The following HPCAL1 variants were observed in gnomAD, a reference collection of about 807,000 sequenced individuals.
HPCAL1 encodes hippocalcin-like protein 1.
Under a neutral mutation model 17.1 loss-of-function variants are expected in HPCAL1, and 8 were observed. The ratio of observed to expected loss-of-function variants is 0.47; its 90% CI spans 0.27 to 0.84. The LOEUF (loss-of-function observed/expected upper bound fraction) is 0.84. Ranked by LOEUF, HPCAL1 falls within the 40% of genes least tolerant of loss-of-function variation. The pLI, the probability that HPCAL1 is intolerant of heterozygous loss-of-function variation, is 0.13. For synonymous variants in HPCAL1, 112 were observed against 111.4 expected, an observed-to-expected ratio of 1.01 and a Z score of -0.03; for missense variants, 165 against 271.1, an observed-to-expected ratio of 0.61 and a Z score of 2.75.
chr2:10,306,331 G>A (rs553909258), intron 1 of HPCAL1, among the ~76,000 whole-genome samples: 3 of 152,238 alleles, frequency 2.0e-5, no homozygotes, highest in East Asian at 3.9e-4. Flanking sequence ...ATGTCACTGT[G>A]CTGGGGGGTG....
At chr2:10,387,117 T>C (rs1242493132) in intron 1 of HPCAL1, among the ~76,000 whole-genome samples, 3 of 152,184 alleles carry the variant, frequency 2.0e-5, no homozygotes, top group Non-Finnish European at 2.9e-5. Context: ...CCAGCACCCA[T>C]GAGGAGCAGG....
intron 1 of HPCAL1, among the ~76,000 whole-genome samples, chr2:10,311,699 G>A (rs754147695): frequency 3.9e-5 from 6 of 152,066 alleles, no homozygotes; most frequent in Non-Finnish European, 8.8e-5. Context: ...GCTCACTGTG[G>A]CCTGTAGCTC....
At chr2:10,369,952 C>T (rs1667106807) in intron 1 of HPCAL1, among the ~76,000 whole-genome samples, 1 of 152,186 alleles carries the variant, frequency 6.6e-6, no homozygotes, top group South Asian at 2.1e-4. Flanking sequence ...CAACTTTCTC[C>T]TTCTATACTT....
intron 1 of HPCAL1, among the ~76,000 whole-genome samples, chr2:10,312,207 CA>C (rs1334996796): frequency 1.6e-4 from 4 of 25,590 alleles, no homozygotes; most frequent in African/African-American, 4.4e-4. Context: ...TCACTGTCAT[CA>C]TCAACATCCA....
chr2:10,349,520 G>A (rs945164193), intron 1 of HPCAL1, among the ~76,000 whole-genome samples: 3 of 151,250 alleles, frequency 2.0e-5, no homozygotes, highest in Non-Finnish European at 4.4e-5. Flanking sequence ...TGGCTAACAC[G>A]GTGAAACCCT....
At chr2:10,321,702 A>C (rs75016093) in intron 1 of HPCAL1, among the ~76,000 whole-genome samples, 11,221 of 152,256 alleles carry the variant, frequency 0.074, 490 homozygotes, top group Middle Eastern at 0.092. Flanking sequence ...GACATTTTAT[A>C]TCAAGGAAAT....
chr2:10,312,607 TCAC>T (rs966061964), intron 1 of HPCAL1, among the ~76,000 whole-genome samples: 1 of 150,026 alleles, frequency 6.7e-6, no homozygotes, highest in African/African-American at 2.5e-5. Flanking sequence ...ATCATCACCA[TCAC>T]CACCATTGCC....
rs1671496739 is a variant in HPCAL1, at chr2:10,427,516, C to T, written c.*695C>T. 1 of 152,386 alleles carries T rather than the reference C, an allele frequency of 6.6e-6. No individual in the cohort carries two copies. Among genetic ancestry groups the T allele is most frequent in the Admixed American group, 6.5e-5 (1 of 15,312 alleles). The allele number at this position is 152,386 out of a possible 1,614,324, so 9.4% of individuals were successfully genotyped here. The stretch of plus-strand genomic sequence containing the variant: ...GTGCCCTGAGCCGTGATGATCCTCC[C>T]ATCCGTGTTGTGAGCACAGGCATTT... On this transcript the variant is annotated 3_prime_UTR_variant, in exon 5 of 5. Transcript: ENST00000307845.
At position 10,304,221 on chromosome 2, in the gene HPCAL1, C is replaced by T. The variant is rs1662466404; in HGVS notation, c.-111+1044C>T. 6.6e-6 allele frequency among the ~76,000 whole-genome samples: 1 copy of T among 152,164 alleles called. No homozygotes were observed. Among genetic ancestry groups the T allele is most frequent in the South Asian group, 2.1e-4 (1 of 4,834 alleles). On this transcript the variant is annotated intron_variant, in intron 1 of 4. Coordinates refer to ENST00000307845, the MANE Select transcript of HPCAL1 (RefSeq NM_002149.4). The surrounding 1 kb of genome is among the most constrained non-coding windows in gnomAD (Gnocchi z 4.1). The stretch of plus-strand genomic sequence containing the variant: ...AGGCTCCCGCGCAAGCGTGGGGGTC[C>T]CTCTCCTGGCCGGGAGGCAGCGACT...
At position 10,367,021 on chromosome 2, in the gene HPCAL1, C is replaced by T. The variant is rs372704520; in HGVS notation, c.-110-29814C>T. ...GCTGGGCGAGGAGGCTGCCTGAGAT[C>T]CCACAGTGAGGCTGGCCCTGCCCTT... On this transcript the variant is annotated intron_variant, in intron 1 of 4. Coordinates refer to ENST00000307845, the MANE Select transcript of HPCAL1 (RefSeq NM_002149.4). This position sits in a 1 kb window ranked among gnomAD's most constrained non-coding sequence, Gnocchi z 4.4. Among the ~76,000 whole-genome samples, 8 of 152,192 alleles carry T rather than the reference C, an allele frequency of 5.3e-5. No individual in the cohort carries two copies. The highest frequency in any genetic ancestry group is 1.9e-4 in the African/African-American group (8 of 41,526).
intron 1 of HPCAL1, among the ~76,000 whole-genome samples, chr2:10,381,955 C>T (rs1361908288): frequency 6.6e-6 from 1 of 152,214 alleles, no homozygotes; most frequent in African/African-American, 2.4e-5. Flanking sequence ...TATGTCCACA[C>T]AAAAACCTGC....
chr2:10,307,285 C>T (rs541368444), intron 1 of HPCAL1, among the ~76,000 whole-genome samples: 10 of 152,312 alleles, frequency 6.6e-5, no homozygotes, highest in East Asian at 1.9e-4. Context: ...TCCCAGATTT[C>T]GCCTCAGTAC....
At chr2:10,315,037 A>G (rs1663220100) in intron 1 of HPCAL1, among the ~76,000 whole-genome samples, 2 of 152,202 alleles carry the variant, frequency 1.3e-5, no homozygotes, top group South Asian at 2.1e-4. Flanking sequence ...CACGCCTGTA[A>G]TCCCAGCACT....
chr2:10,339,874 G>A (rs1355970403), intron 1 of HPCAL1, among the ~76,000 whole-genome samples: 2 of 152,210 alleles, frequency 1.3e-5, no homozygotes, highest in Non-Finnish European at 2.9e-5. Context: ...TGTGCGTTGA[G>A]GCCTGAGCCC....
At chr2:10,422,171 C>T (rs759014878) in intron 3 of HPCAL1, among the ~76,000 whole-genome samples, 78 of 152,310 alleles carry the variant, frequency 5.1e-4, no homozygotes, top group African/African-American at 1.4e-3. Context: ...CTTCCCCCGA[C>T]GCCATCGATG....
intron 1 of HPCAL1, among the ~76,000 whole-genome samples, chr2:10,325,504 C>T (rs1326654229): frequency 1.3e-5 from 2 of 152,200 alleles, no homozygotes; most frequent in African/African-American, 4.8e-5. Flanking sequence ...ACTGTTCTCC[C>T]TGTGCCTCTC....
intron 1 of HPCAL1, among the ~76,000 whole-genome samples, chr2:10,327,499 A>G (rs1664088073): frequency 6.6e-6 from 1 of 152,194 alleles, no homozygotes; most frequent in African/African-American, 2.4e-5. Context: ...CATGCAAATC[A>G]TACTGACCTG....
rs1261425966 is a variant in HPCAL1 at position 10,394,527 on chromosome 2, G to A, written c.-110-2308G>A. On this transcript the variant is annotated intron_variant, in intron 1 of 4. Transcript: ENST00000307845. This position sits in a 1 kb window ranked among gnomAD's most constrained non-coding sequence, Gnocchi z 5.0. ...GAGCACAGAGGGGCTTTAGGGCAGCGAGCCCGCGCTATGTGATGCTGTAAT... is the reference window on the plus strand; with the variant it reads ...GAGCACAGAGGGGCTTTAGGGCAGCAAGCCCGCGCTATGTGATGCTGTAAT... Among the ~76,000 whole-genome samples, 6 of 152,200 alleles carry A rather than the reference G, an allele frequency of 3.9e-5. No individual in the cohort carries two copies. Among genetic ancestry groups the A allele is most frequent in the East Asian group, 3.9e-4 (2 of 5,182 alleles).
At chr2:10,351,395 C>G (rs1005947580) in intron 1 of HPCAL1, among the ~76,000 whole-genome samples, 3 of 152,118 alleles carry the variant, frequency 2.0e-5, no homozygotes, top group African/African-American at 4.8e-5. Flanking sequence ...TTGCCTGGGG[C>G]TGGGACTGGG....
Sources: gnomAD v4.1 joint callset for allele counts (sites outside exome capture counted in the v4.1 genomes callset) on GRCh38, gnomAD v4.1.1 for gene constraint, Gnocchi (gnomAD v3.1) non-coding constraint, MANE v1.5 for transcripts, NCBI Gene and HGNC (gene_info 2026-07-23, HGNC 2026-07-21) for gene names.